CALN1: variants seen among roughly 807,000 people sequenced by gnomAD.
CALN1 encodes the protein calneuron 1, also known as calcium-binding protein 8.
A neutral mutation model predicts 30.6 loss-of-function variants in CALN1; 17 were observed. That is an observed-to-expected ratio of 0.56 (90% CI 0.38 to 0.83). The LOEUF (loss-of-function observed/expected upper bound fraction) is 0.83. Among genes scored for constraint, CALN1 ranks in the 40% least tolerant of loss-of-function variants. The pLI is 0.00. For synonymous variants in CALN1, 156 were observed against 131.4 expected (o/e 1.19, Z -1.28); for missense variants, 291 against 354.9 (o/e 0.82, Z 1.45).
chr7:72,278,471 G>GCACACACA lies in CALN1; in HGVS notation c.244+214_244+215insTGTGTGTG, dbSNP rs1562830253. On this transcript the variant is annotated intron_variant, in intron 3 of 6. Transcript: ENST00000395275. ...ATAGATTGCTCAGGCTATCAGGTCT[G>GCACACACA]TACACACACACACACACACACACAC... Among the ~76,000 whole-genome samples the GCACACACA allele has an allele frequency of 4.5e-4, 42 of 93,224 alleles. 1 individual carries two copies. The highest frequency in any genetic ancestry group is 4.3e-4 in the South Asian group (1 of 2,332). The allele number at this position is 93,224 out of a possible 152,430, so 61.2% of individuals were successfully genotyped here. A position where few individuals can be genotyped will look rare whatever the true frequency, so the allele number is the denominator to read the frequency against.
chr7:72,050,255 A>C (rs973716329), intron 4 of CALN1, among the ~76,000 whole-genome samples: 1 of 152,202 alleles, frequency 6.6e-6, no homozygotes, highest in African/African-American at 2.4e-5. Context: ...ACTCTAAAAC[A>C]TTCTTTCCAT....
chr7:72,288,834 C>T (rs943124956), intron 2 of CALN1, among the ~76,000 whole-genome samples: 2 of 152,142 alleles, frequency 1.3e-5, no homozygotes, highest in Non-Finnish European at 2.9e-5. Flanking sequence ...TTTTTAACCC[C>T]TTTTCCCCAA....
intron 3 of CALN1, among the ~76,000 whole-genome samples, chr7:72,196,097 G>A (rs1463242716): frequency 6.6e-6 from 1 of 151,902 alleles, no homozygotes; most frequent in Non-Finnish European, 1.5e-5. Context: ...ATGCTAAGGG[G>A]TATTAAGTTT....
Position 72,317,205 on chromosome 7 carries a change from G to A in CALN1, c.120-38395C>T, listed in dbSNP as rs138334570. 3.6e-3 allele frequency among the ~76,000 whole-genome samples: 479 copies of A among 133,860 alleles called. 1 individual carries two copies. The highest frequency in any genetic ancestry group is 7.2e-3 in the Middle Eastern group (2 of 276). The allele number at this position is 133,860 out of a possible 152,430, so 87.8% of individuals were successfully genotyped here. ...GGAGGCAGGAGGGGAGGGAAGGAGG[G>A]AGGGAGGAAGAGAGAAAGAAAGAGA... is the stretch of plus-strand genomic sequence containing the variant. On this transcript the variant is annotated intron_variant, in intron 2 of 6. Coordinates refer to ENST00000395275, the MANE Select transcript of CALN1 (RefSeq NM_031468.4).
At chr7:72,074,965 G>A (rs1487669877) in intron 4 of CALN1, among the ~76,000 whole-genome samples, 1 of 152,194 alleles carries the variant, frequency 6.6e-6, no homozygotes, top group African/African-American at 2.4e-5. Context: ...TAAATGGTAT[G>A]AAAACAAAGA....
intron 3 of CALN1, among the ~76,000 whole-genome samples, chr7:72,222,688 C>T (rs1006248975): frequency 6.6e-6 from 1 of 152,182 alleles, no homozygotes. Flanking sequence ...TTGCTTGACA[C>T]AATCAGAGAC....
chr7:72,349,139 A>G (rs957388257), intron 2 of CALN1, among the ~76,000 whole-genome samples: 1 of 152,228 alleles, frequency 6.6e-6, no homozygotes, highest in Non-Finnish European at 1.5e-5. Flanking sequence ...TTGAAAAAAT[A>G]GAAACTGAAG....
intron 2 of CALN1, among the ~76,000 whole-genome samples, chr7:72,299,841 T>A (rs1346980137): frequency 1.3e-5 from 2 of 151,968 alleles, no homozygotes; most frequent in African/African-American, 2.4e-5. Flanking sequence ...GACCATGTTA[T>A]CTGCTTTTTC....
At chr7:71,798,101 CAGAGAG>C in intron 6 of CALN1, among the ~76,000 whole-genome samples, 1 of 76,872 alleles carries the variant, frequency 1.3e-5, no homozygotes, top group African/African-American at 5.9e-5. Flanking sequence ...GAGAGAGAGA[CAGAGAG>C]AGACAGAGAC....
In CALN1 at chr7:72,079,761, C is replaced by CTTTTTTTTTTTTTT. The variant is rs3065015; in HGVS notation, c.388+26376_388+26389dup. On this transcript the variant is annotated intron_variant, in intron 4 of 6. Transcript: ENST00000395275. ...AAATGCCCAAGAGGTTGCCTTTTTC[C>CTTTTTTTTTTTTTT]TTTTTTTTTTTTTTTTTTTTTTTTT... Among the ~76,000 whole-genome samples the CTTTTTTTTTTTTTT allele has an allele frequency of 2.1e-3, 216 of 104,026 alleles. 7 individuals carry two copies. Among genetic ancestry groups the CTTTTTTTTTTTTTT allele is most frequent in the African/African-American group, 3.2e-3 (79 of 25,056 alleles). The allele number at this position is 104,026 out of a possible 152,430, so 68.2% of individuals were successfully genotyped here. A position where few individuals can be genotyped will look rare whatever the true frequency, so the allele number is the denominator to read the frequency against.
intron 5 of CALN1, among the ~76,000 whole-genome samples, chr7:71,884,477 C>T (rs1028344747): frequency 6.6e-6 from 1 of 151,274 alleles, no homozygotes. Context: ...AGGCTGGGGG[C>T]GATGATCACT....
rs1793123674 is a variant in CALN1, at chr7:71,788,597, C to T, written c.659-695G>A. On this transcript the variant is annotated intron_variant, in intron 6 of 6. Coordinates refer to ENST00000395275, the MANE Select transcript of CALN1 (RefSeq NM_031468.4). ...GCCTTCTTAACCTCCTGGGCTCAAG[C>T]TGTCCTCCCACTTCAGCCTCCTGAG... is the stretch of plus-strand genomic sequence containing the variant. Among the ~76,000 whole-genome samples the T allele has an allele frequency of 2.7e-5, 4 of 150,334 alleles. 1 individual carries two copies. In the South Asian group the frequency reaches 8.4e-4, roughly 32 times the overall value.
chr7:71,862,204 G>A (rs1791328243), intron 5 of CALN1, among the ~76,000 whole-genome samples: 2 of 152,170 alleles, frequency 1.3e-5, no homozygotes, highest in South Asian at 4.1e-4. Context: ...AAAAATCTAG[G>A]GTGTGGCTGA....
intron 4 of CALN1, among the ~76,000 whole-genome samples, chr7:72,095,601 G>A (rs923569273): frequency 3.9e-5 from 6 of 152,156 alleles, no homozygotes; most frequent in Non-Finnish European, 7.3e-5. Flanking sequence ...CAGGAGACTA[G>A]GGAGGGGCTT....
intron 3 of CALN1, among the ~76,000 whole-genome samples, chr7:72,236,323 T>C (rs1249078118): frequency 6.6e-6 from 1 of 152,056 alleles, no homozygotes; most frequent in Non-Finnish European, 1.5e-5. Flanking sequence ...ACATATAAAA[T>C]ACTCAAAGTC....
intron 3 of CALN1, among the ~76,000 whole-genome samples, chr7:72,250,733 T>TAAAA (rs1795497251): frequency 6.6e-6 from 1 of 152,078 alleles, no homozygotes; most frequent in Non-Finnish European, 1.5e-5. Flanking sequence ...TCTTGCGACG[T>TAAAA]GATGCCCACT....
chr7:71,810,533 G>A (rs754408841), intron 5 of CALN1, 41 bp from the exon 6 acceptor site: 1 of 1,595,304 alleles, frequency 6.3e-7, no homozygotes, highest in Non-Finnish European at 8.6e-7. Flanking sequence ...GAAGCATGTG[G>A]AGATGGGAAG....
At chr7:72,357,133 T>TC (rs2129559572) in intron 2 of CALN1, among the ~76,000 whole-genome samples, 1 of 152,032 alleles carries the variant, frequency 6.6e-6, no homozygotes, top group Admixed American at 6.5e-5. Flanking sequence ...CCTTAACCTT[T>TC]CCCTATGAAT....
chr7:72,141,591 G>A (rs142454606), intron 3 of CALN1, among the ~76,000 whole-genome samples: 67 of 151,812 alleles, frequency 4.4e-4, no homozygotes, highest in African/African-American at 1.5e-3. Context: ...TTTTCAAGAC[G>A]GAGTTTCCAT....
Sources: gnomAD v4.1 joint callset for allele counts (sites outside exome capture counted in the v4.1 genomes callset) on GRCh38, gnomAD v4.1.1 for gene constraint, MANE v1.5 for transcripts, NCBI Gene and HGNC (gene_info 2026-07-23, HGNC 2026-07-21) for gene names.